CHST8: variants seen among roughly 807,000 people sequenced by gnomAD.
CHST8 encodes carbohydrate sulfotransferase 8.
CHST8 carries 10 observed loss-of-function variants against 15.0 expected under a neutral mutation model. The ratio of observed to expected loss-of-function variants is 0.67; its 90% CI spans 0.41 to 1.13. CHST8 has a LOEUF of 1.13. Among genes scored for constraint, CHST8 ranks in the 50% most tolerant of loss-of-function variants. The probability of loss-of-function intolerance (pLI) is 0.00; values close to 1 mark genes in which losing one functional copy is unlikely to be tolerated. For missense variants in CHST8, 634 were observed against 608.2 expected (o/e 1.04, Z -0.45); for synonymous variants, 259 against 256.6 (o/e 1.01, Z -0.09).
At chr19:33,770,060 C>T (rs562136913) in intron 3 of CHST8, among the ~76,000 whole-genome samples, 5 of 152,234 alleles carry the variant, frequency 3.3e-5, no homozygotes, top group African/African-American at 4.8e-5. Context: ...CTGAAGGAGA[C>T]GTGCGGGCAC....
chr19:33,732,601 G>A (rs2145327826), intron 3 of CHST8, among the ~76,000 whole-genome samples: 2 of 152,162 alleles, frequency 1.3e-5, no homozygotes, highest in African/African-American at 4.8e-5. Flanking sequence ...TTATTAGAAA[G>A]GATACCCATA....
chr19:33,773,112 G>A lies in CHST8; in HGVS notation c.*49G>A. On this transcript the variant is annotated 3_prime_UTR_variant, in exon 5 of 5. Coordinates refer to ENST00000650847, the MANE Select transcript of CHST8 (RefSeq NM_001127895.2). ...CGCCCTGCCCCGGTCACTCACCTGT[G>A]CTCCCGGGCATCCTCCTGTCCCTGG... 2.0e-6 allele frequency: 3 copies of A among 1,526,892 alleles called. No individual in the cohort carries two copies. The highest frequency in any genetic ancestry group is 1.2e-5 in the South Asian group (1 of 80,004). The allele number at this position is 1,526,892 out of a possible 1,614,324, so 94.6% of individuals were successfully genotyped here. A position where few individuals can be genotyped will look rare whatever the true frequency, so the allele number is the denominator to read the frequency against.
At chr19:33,745,844 C>T (rs1245725802) in intron 3 of CHST8, among the ~76,000 whole-genome samples, 1 of 152,222 alleles carries the variant, frequency 6.6e-6, no homozygotes, top group Non-Finnish European at 1.5e-5. Context: ...TGGAGAGAGA[C>T]CCAGCCAAGC....
chr19:33,757,109 G>A (rs1178950169), intron 3 of CHST8, among the ~76,000 whole-genome samples: 1 of 152,174 alleles, frequency 6.6e-6, no homozygotes, highest in Non-Finnish European at 1.5e-5. Flanking sequence ...GGCCATTCAG[G>A]ATGGGCGCAG....
intron 1 of CHST8, among the ~76,000 whole-genome samples, chr19:33,625,678 G>A (rs926229580): frequency 3.3e-5 from 5 of 151,980 alleles, no homozygotes; most frequent in African/African-American, 2.4e-5. Context: ...CCTGACCTAC[G>A]TGGTGAAACC....
At chr19:33,692,424 G>A (rs577829005) in intron 3 of CHST8, among the ~76,000 whole-genome samples, 1 of 152,186 alleles carries the variant, frequency 6.6e-6, no homozygotes, top group Non-Finnish European at 1.5e-5. Context: ...ATGGCCAGGT[G>A]TGGTGGCACG....
At chr19:33,736,982 C>A (rs1974098811) in intron 3 of CHST8, among the ~76,000 whole-genome samples, 1 of 152,176 alleles carries the variant, frequency 6.6e-6, no homozygotes, top group African/African-American at 2.4e-5. Context: ...TCCTAAGATG[C>A]TAATTATAAT....
intron 2 of CHST8, among the ~76,000 whole-genome samples, chr19:33,671,520 A>G (rs942667812): frequency 1.3e-5 from 2 of 151,864 alleles, no homozygotes; most frequent in Non-Finnish European, 2.9e-5. Flanking sequence ...ACTGCCCCCC[A>G]TTGCTTCTCT....
At chr19:33,740,443 C>A (rs892914294) in intron 3 of CHST8, among the ~76,000 whole-genome samples, 3 of 152,206 alleles carry the variant, frequency 2.0e-5, no homozygotes, top group African/African-American at 7.2e-5. Context: ...ATCTGCCATG[C>A]AAGGAGGGAT....
intron 3 of CHST8, among the ~76,000 whole-genome samples, chr19:33,766,545 C>G (rs1352457548): frequency 1.3e-5 from 2 of 152,190 alleles, no homozygotes; most frequent in African/African-American, 4.8e-5. Context: ...GGAGCTGCTT[C>G]TTCCTAATGG....
chr19:33,643,272 G>C (rs117067269), intron 1 of CHST8, among the ~76,000 whole-genome samples: 7 of 152,266 alleles, frequency 4.6e-5, no homozygotes, highest in Non-Finnish European at 8.8e-5. Context: ...GTGTCAATTA[G>C]ATAGGTTAAA....
intron 1 of CHST8, among the ~76,000 whole-genome samples, chr19:33,661,776 A>G (rs1283007114): frequency 1.3e-5 from 2 of 151,666 alleles, no homozygotes; most frequent in Admixed American, 6.6e-5. Flanking sequence ...CATGCCTTTA[A>G]TCCCAGCACT....
rs1974604237 is a variant in CHST8 at position 33,757,502 on chromosome 19, GAAA to G, written c.131-13910_131-13908del. ...AGAAAGAAAGAAAGAAAGAAAGAAA[GAAA>G]GAAAGAAAGAAAGAAAGAGAAAGAA... On this transcript the variant is annotated intron_variant, in intron 3 of 4. Transcript: ENST00000650847. 8.9e-5 allele frequency among the ~76,000 whole-genome samples: 4 copies of G among 45,052 alleles called. 1 individual carries two copies. The highest frequency in any genetic ancestry group is 4.0e-4 in the African/African-American group (4 of 9,888). The allele number at this position is 45,052 out of a possible 152,430, so 29.6% of individuals were successfully genotyped here. A position where few individuals can be genotyped will look rare whatever the true frequency, so the allele number is the denominator to read the frequency against.
chr19:33,706,576 G>T (rs2145287006), intron 3 of CHST8, among the ~76,000 whole-genome samples: 1 of 152,304 alleles, frequency 6.6e-6, no homozygotes, highest in African/African-American at 2.4e-5. Context: ...AGAGTGAGTT[G>T]TCTGTCGGTT....
chr19:33,755,571 G>C (rs192962008), intron 3 of CHST8, among the ~76,000 whole-genome samples: 1 of 152,234 alleles, frequency 6.6e-6, no homozygotes, highest in East Asian at 1.9e-4. Context: ...ACGCGCAGGC[G>C]TGAAAGACAG....
At chr19:33,665,778 G>A (rs1314885735) in intron 1 of CHST8, among the ~76,000 whole-genome samples, 1 of 152,218 alleles carries the variant, frequency 6.6e-6, no homozygotes, top group African/African-American at 2.4e-5. Flanking sequence ...GAGGGTGGAG[G>A]GGATGGGCAG....
chr19:33,755,658 C>T lies in CHST8; in HGVS notation c.131-15755C>T, dbSNP rs79060633. On this transcript the variant is annotated intron_variant, in intron 3 of 4. Transcript: ENST00000650847. ...CAAAGAGGTGCCCAAAACACATGCC[C>T]GGTGCTCCAGACTGGAGCCTTAATT... 2.1e-3 allele frequency among the ~76,000 whole-genome samples: 313 copies of T among 152,350 alleles called. 1 individual carries two copies. The highest frequency in any genetic ancestry group is 7.3e-3 in the African/African-American group (304 of 41,576).
At chr19:33,711,151 T>A (rs1385690216) in intron 3 of CHST8, among the ~76,000 whole-genome samples, 1 of 152,202 alleles carries the variant, frequency 6.6e-6, no homozygotes, top group Non-Finnish European at 1.5e-5. Flanking sequence ...GGATTACCAG[T>A]GTGAGCCACC....
chr19:33,754,865 G>T (rs1974514639), intron 3 of CHST8, among the ~76,000 whole-genome samples: 1 of 152,226 alleles, frequency 6.6e-6, no homozygotes. Flanking sequence ...GAACCTCTGA[G>T]ATCCTGCTCT....
Sources: allele counts gnomAD v4.1 joint callset (sites outside exome capture counted in the v4.1 genomes callset), GRCh38; gene constraint gnomAD v4.1.1; transcripts MANE v1.5; gene names NCBI Gene and HGNC (gene_info 2026-07-23, HGNC 2026-07-21).